Variants in PDS5A observed in about 807,000 individuals in gnomAD.
PDS5A encodes the protein sister chromatid cohesion protein PDS5 homolog A.
Under a neutral mutation model 167.1 loss-of-function variants are expected in PDS5A, and 42 were observed. That is an observed-to-expected ratio of 0.25 (90% confidence interval 0.20 to 0.33). PDS5A has a LOEUF of 0.33. Ranked by LOEUF, PDS5A falls within the 10% of genes least tolerant of loss-of-function variation. The probability of loss-of-function intolerance (pLI) is 1.00; values close to 1 mark genes in which losing one functional copy is unlikely to be tolerated. For missense variants in PDS5A, 1,033 were observed against 1,605.9 expected, an observed-to-expected ratio of 0.64 and a Z score of 6.10; for synonymous variants, 553 against 554.6, an observed-to-expected ratio of 1.00 and a Z score of 0.04.
chr4:39,952,623 G>A (rs766993592), intron 2 of PDS5A, among the ~76,000 whole-genome samples: 6 of 151,968 alleles, frequency 3.9e-5, no homozygotes, highest in African/African-American at 7.2e-5. Flanking sequence ...GAAAGATAAC[G>A]CGCTGAGAAG....
chr4:39,826,412 T>C lies in PDS5A; in HGVS notation c.4011-924A>G, dbSNP rs113847396. Among the ~76,000 whole-genome samples the C allele has an allele frequency of 3.5e-3, 530 of 152,286 alleles. 1 individual carries two copies. The highest frequency in any genetic ancestry group is 7.1e-3 in the Admixed American group (109 of 15,282). Reference sequence around the variant, plus strand: ...CCTGAGAAGTGCATTCTGGTTTGTCTGTGGCTGTTCAATTCAGTGGCAAGG... The same window carrying C: ...CCTGAGAAGTGCATTCTGGTTTGTCCGTGGCTGTTCAATTCAGTGGCAAGG... On this transcript the variant is annotated intron_variant, in intron 32 of 32. Transcript: ENST00000303538.
chr4:39,915,343 ATTTTTTTTTTTT>A (rs3070904), intron 8 of PDS5A, among the ~76,000 whole-genome samples: 3 of 88,728 alleles, frequency 3.4e-5, no homozygotes, highest in African/African-American at 4.8e-5. Flanking sequence ...AACCGGCCTG[ATTTTTTTTTTTT>A]TTTTTTTTTT....
chr4:39,915,589 G>A (rs1168684327), intron 8 of PDS5A, among the ~76,000 whole-genome samples: 1 of 151,842 alleles, frequency 6.6e-6, no homozygotes, highest in African/African-American at 2.4e-5. Flanking sequence ...CAAACTCCTG[G>A]GCTCAAGAGA....
intron 32 of PDS5A, among the ~76,000 whole-genome samples, chr4:39,834,492 A>T (rs1391204072): frequency 6.6e-6 from 1 of 152,194 alleles, no homozygotes; most frequent in Non-Finnish European, 1.5e-5. Context: ...TCCCATGGGA[A>T]ATCATTAGGC....
At chr4:39,849,762 T>A in intron 26 of PDS5A, 110 bp from the exon 27 acceptor site, 2 of 652,892 alleles carry the variant, frequency 3.1e-6, no homozygotes. Flanking sequence ...AATAAAATGA[T>A]CAACCTTAAT....
In PDS5A at chr4:39,862,278, T is replaced by C; in HGVS notation, c.3027A>G (p.Leu1009=). The C allele has an allele frequency of 6.5e-7, 1 of 1,542,856 alleles. No individual in the cohort carries two copies. Among genetic ancestry groups the C allele is most frequent in the Non-Finnish European group, 8.8e-7 (1 of 1,138,028 alleles). The part of the protein sequence containing the change: ...EYVVPYMIHL[L]AHDPDFTRSQ... Reference sequence around the variant, plus strand: ...ATCTTGTAAAATCTGGATCATGGGCTAGCAGGTGAATCATGTATGGAACTA... The same window carrying C: ...ATCTTGTAAAATCTGGATCATGGGCCAGCAGGTGAATCATGTATGGAACTA... Residue 1009 remains leucine, a synonymous_variant, in exon 26 of 33, where the codon CTA becomes CTG. Coordinates refer to ENST00000303538, the MANE Select transcript of PDS5A (RefSeq NM_001100399.2).
chr4:39,873,949 CAGA>C (rs561703302), intron 20 of PDS5A, among the ~76,000 whole-genome samples: 181 of 152,236 alleles, frequency 1.2e-3, no homozygotes, highest in African/African-American at 4.2e-3. Context: ...GAGGCTGAGG[CAGA>C]AGGACTGCTT....
intron 10 of PDS5A, among the ~76,000 whole-genome samples, chr4:39,909,433 T>C (rs1039205350): frequency 2.6e-5 from 4 of 152,232 alleles, no homozygotes; most frequent in African/African-American, 9.6e-5. Context: ...AGTTACATTT[T>C]AATAATGTAT....
intron 16 of PDS5A, among the ~76,000 whole-genome samples, chr4:39,897,135 T>C (rs1161217659): frequency 6.6e-6 from 1 of 152,196 alleles, no homozygotes; most frequent in Non-Finnish European, 1.5e-5. Flanking sequence ...GGCTCATGCC[T>C]GTAACCCCAG....
Position 39,841,171 on chromosome 4 carries a change from G to A in PDS5A, c.3657+777C>T, listed in dbSNP as rs573231362. Among the ~76,000 whole-genome samples the A allele has an allele frequency of 2.6e-5, 4 of 152,046 alleles. No individual in the cohort carries two copies. The East Asian group carries it at 7.8e-4, about 30-fold the overall frequency. On this transcript the variant is annotated intron_variant, in intron 31 of 32. Coordinates refer to ENST00000303538, the MANE Select transcript of PDS5A (RefSeq NM_001100399.2). Reference sequence around the variant, plus strand: ...AATTCCTTTTTTGAGACAGAGTCTCGCTCTGTCGTTCAGGCTGGAGTGCAA... The same window carrying A: ...AATTCCTTTTTTGAGACAGAGTCTCACTCTGTCGTTCAGGCTGGAGTGCAA...
chr4:39,851,020 T>C (rs1297223768), intron 26 of PDS5A, among the ~76,000 whole-genome samples: 2 of 152,244 alleles, frequency 1.3e-5, no homozygotes. Flanking sequence ...ATTAGTTTTT[T>C]AGCTTAATGG....
chr4:39,868,836 A>G, intron 22 of PDS5A: 1 of 359,634 alleles, frequency 2.8e-6, no homozygotes, highest in Non-Finnish European at 5.5e-6. Flanking sequence ...TGATGAAGCA[A>G]CACAAAGTGA....
chr4:39,825,440 C>G lies in PDS5A; in HGVS notation c.*45G>C, dbSNP rs770368303. The G allele has an allele frequency of 9.0e-6, 14 of 1,550,268 alleles. No individual in the cohort carries two copies. The highest frequency in any genetic ancestry group is 2.4e-5 in the South Asian group (2 of 84,106). On this transcript the variant is annotated 3_prime_UTR_variant, in exon 33 of 33. Transcript: ENST00000303538. ...ATCCAAGTTTTTGCAGAAGCTGGAG[C>G]CTGCTTCTGTTTGGCCTTCATTTTC... is the stretch of plus-strand genomic sequence containing the variant.
At chr4:39,837,631 T>C in intron 32 of PDS5A, 1 of 475,206 alleles carries the variant, frequency 2.1e-6, no homozygotes. Flanking sequence ...AAATACCATA[T>C]CCTAAATAAA....
chr4:39,884,865 C>CA, intron 17 of PDS5A, among the ~76,000 whole-genome samples: 1 of 152,236 alleles, frequency 6.6e-6, no homozygotes, highest in South Asian at 2.1e-4. Flanking sequence ...TTCCTATAGA[C>CA]CATTAACTAA....
chr4:39,857,502 C>G (rs1273014212), intron 26 of PDS5A, among the ~76,000 whole-genome samples: 1 of 151,962 alleles, frequency 6.6e-6, no homozygotes, highest in Non-Finnish European at 1.5e-5. Context: ...AGAAAATATA[C>G]AGCTATTTTG....
At chr4:39,834,220 T>C (rs1006230855) in intron 32 of PDS5A, among the ~76,000 whole-genome samples, 7 of 149,052 alleles carry the variant, frequency 4.7e-5, no homozygotes, top group Admixed American at 6.7e-5. Context: ...GAGGTCAAAG[T>C]GGCCAAGTGG....
At chr4:39,908,334 C>A (rs1578717897) in intron 11 of PDS5A, 61 bp downstream of exon 11, 1 of 1,233,970 alleles carries the variant, frequency 8.1e-7, no homozygotes, top group East Asian at 2.3e-5. Context: ...AAAATGATAC[C>A]CAATTGTATT....
intron 6 of PDS5A, among the ~76,000 whole-genome samples, chr4:39,922,059 G>A (rs1265723871): frequency 6.6e-6 from 1 of 152,154 alleles, no homozygotes; most frequent in African/African-American, 2.4e-5. Context: ...CCTGAGTAGA[G>A]CCCAGTGGTG....
Sources: allele counts gnomAD v4.1 joint callset (sites outside exome capture counted in the v4.1 genomes callset), GRCh38; gene constraint gnomAD v4.1.1; transcripts MANE v1.5; gene names NCBI Gene and HGNC (gene_info 2026-07-23, HGNC 2026-07-21).